ZNF169: variants seen among roughly 807,000 people sequenced by gnomAD.
ZNF169 encodes zinc finger protein 169.
Under a neutral mutation model 12.0 loss-of-function variants are expected in ZNF169, and 11 were observed. That is an observed-to-expected ratio of 0.92 (90% CI 0.58 to 1.52). ZNF169 has a LOEUF of 1.52. ZNF169 is among the 40% of genes most tolerant of loss of function. The pLI is 0.00. For missense variants in ZNF169, 722 were observed against 744.0 expected, an observed-to-expected ratio of 0.97 and a Z score of 0.34; for synonymous variants, 302 against 286.5, an observed-to-expected ratio of 1.05 and a Z score of -0.55.
intron 1 of ZNF169, among the ~76,000 whole-genome samples, chr9:94,270,484 G>C (rs1226795533): frequency 6.7e-6 from 1 of 148,816 alleles, no homozygotes; most frequent in Non-Finnish European, 1.5e-5. Flanking sequence ...TATGGTATTA[G>C]TGCTATGTTT....
chr9:94,293,089 C>G lies in ZNF169; in HGVS notation c.256+20C>G, dbSNP rs756858800. On this transcript the variant is annotated intron_variant, in intron 4 of 4. Coordinates refer to ENST00000395395, the MANE Select transcript of ZNF169 (RefSeq NM_194320.4). ...GTCCAGGTGAGTGGGAAGCCCTGGG[C>G]AAGCGAGGGTGCAGGGCAGTGAGGA... is the stretch of plus-strand genomic sequence containing the variant. The G allele has an allele frequency of 6.2e-7, 1 of 1,603,138 alleles. No homozygotes were observed. Among genetic ancestry groups the G allele is most frequent in the Non-Finnish European group, 8.5e-7 (1 of 1,171,712 alleles).
At chr9:94,297,368 A>G (rs542687789) in intron 4 of ZNF169, among the ~76,000 whole-genome samples, 12 of 152,236 alleles carry the variant, frequency 7.9e-5, no homozygotes, top group Non-Finnish European at 1.8e-4. Flanking sequence ...GCCCCTAAGT[A>G]TTTCATATTT....
rs552494914 is a variant in ZNF169 at position 94,293,108 on chromosome 9, G to T, written c.256+39G>T. 12 of 1,558,652 alleles carry T rather than the reference G, an allele frequency of 7.7e-6. No homozygotes were observed. In the African/African-American group the frequency reaches 1.6e-4, roughly 21 times the overall value. ...CCTGGGCAAGCGAGGGTGCAGGGCA[G>T]TGAGGAGCTCAGCAGGTAAGGAAGG... On this transcript the variant is annotated intron_variant, in intron 4 of 4. Transcript: ENST00000395395.
chr9:94,293,333 C>A, intron 4 of ZNF169: 1 of 592,454 alleles, frequency 1.7e-6, no homozygotes, highest in South Asian at 2.1e-5. Flanking sequence ...CAGGATTTCT[C>A]CATTCTTGGG....
chr9:94,259,714 A>G (rs958642312), intron 1 of ZNF169, among the ~76,000 whole-genome samples: 4 of 151,964 alleles, frequency 2.6e-5, no homozygotes, highest in African/African-American at 9.7e-5. Context: ...GGGTACCCAG[A>G]CAGCATCCTG....
rs772822795 is a variant in ZNF169 at position 94,292,504 on chromosome 9, G to C, written c.160+37G>C. 6 of 1,591,528 alleles carry C rather than the reference G, an allele frequency of 3.8e-6. No individual in the cohort carries two copies. The African/African-American group carries it at 8.1e-5, about 21-fold the overall frequency. ...CTGTTTAAGGTTTCAGATTCTGCTT[G>C]TGGGTATTTTAAGCTCTTACATAGC... On this transcript the variant is annotated intron_variant, in intron 3 of 4. Coordinates refer to ENST00000395395, the MANE Select transcript of ZNF169 (RefSeq NM_194320.4).
At chr9:94,274,934 T>C (rs1347743063) in intron 1 of ZNF169, among the ~76,000 whole-genome samples, 3 of 152,192 alleles carry the variant, frequency 2.0e-5, no homozygotes, top group Non-Finnish European at 4.4e-5. Context: ...AGATTAAAAT[T>C]CCAAATCTGA....
chr9:94,264,572 A>G (rs908189527), intron 1 of ZNF169, among the ~76,000 whole-genome samples: 55 of 152,210 alleles, frequency 3.6e-4, no homozygotes, highest in African/African-American at 1.3e-3. Context: ...TTCAGTTCAC[A>G]AAAACTCTTA....
intron 2 of ZNF169, chr9:94,287,871 A>G (rs772484839): frequency 2.7e-5 from 27 of 1,005,924 alleles, no homozygotes; most frequent in Non-Finnish European, 4.1e-5. Flanking sequence ...GTCAGGGTCG[A>G]TCTGATACTT....
At chr9:94,296,896 A>C in intron 4 of ZNF169, 1 of 446,520 alleles carries the variant, frequency 2.2e-6, no homozygotes, top group Non-Finnish European at 4.5e-6. Context: ...ATACAAAAAA[A>C]ACTAGCCGAG....
chr9:94,288,791 T>C (rs912125673), intron 2 of ZNF169, among the ~76,000 whole-genome samples: 1 of 152,208 alleles, frequency 6.6e-6, no homozygotes, highest in African/African-American at 2.4e-5. Flanking sequence ...CCATGCTTCC[T>C]GTACAGCCTG....
At chr9:94,299,442 C>G (rs1831011232) in intron 4 of ZNF169, 1 of 782,444 alleles carries the variant, frequency 1.3e-6, no homozygotes, top group Admixed American at 3.8e-5. Flanking sequence ...TGTTTCTTAA[C>G]TGCAGCTCAG....
chr9:94,288,992 C>G (rs1335769818), intron 2 of ZNF169, among the ~76,000 whole-genome samples: 1 of 152,106 alleles, frequency 6.6e-6, no homozygotes, highest in Admixed American at 6.6e-5. Flanking sequence ...CAAAGATTAT[C>G]GTATGGTCTG....
In ZNF169 at chr9:94,299,884, A is replaced by G. The variant is rs767115291; in HGVS notation, c.326A>G (p.Gln109Arg). ...TTTTCTAGCTCGCAGCTCCTCAGAC[A>G]ATATGCGCTAAGTGGCCATCCCACA... ...VAFSSSQLLR[Q>R]YALSGHPTQI... is the part of the protein sequence containing the mutation. The change falls in exon 5 of 5, where the codon CAA becomes CGA. Residue 109 changes from glutamine to arginine, a missense_variant. Transcript: ENST00000395395. 6.2e-7 allele frequency: 1 copy of G among 1,614,138 alleles called. No homozygotes were observed. The highest frequency in any genetic ancestry group is 8.5e-7 in the Non-Finnish European group (1 of 1,180,028).
chr9:94,291,673 T>A (rs1036306723), intron 2 of ZNF169, among the ~76,000 whole-genome samples: 1 of 152,138 alleles, frequency 6.6e-6, no homozygotes, highest in African/African-American at 2.4e-5. Flanking sequence ...TGTCATAGCA[T>A]GAACATATGG....
intron 2 of ZNF169, chr9:94,288,406 G>A (rs1014573371): frequency 6.3e-6 from 8 of 1,260,172 alleles, no homozygotes; most frequent in African/African-American, 5.8e-5. Flanking sequence ...GGTATTCTCA[G>A]TGTTGGCTGA....
At chr9:94,283,579 T>C (rs953708832) in intron 2 of ZNF169, among the ~76,000 whole-genome samples, 1 of 152,168 alleles carries the variant, frequency 6.6e-6, no homozygotes, top group Non-Finnish European at 1.5e-5. Flanking sequence ...GAGAGAGTAC[T>C]ATAGCATTTC....
Position 94,301,066 on chromosome 9 carries a change from G to C in ZNF169, c.1508G>C (p.Arg503Pro). 1 of 1,614,054 alleles carries C rather than the reference G, an allele frequency of 6.2e-7. No homozygotes were observed. The highest frequency in any genetic ancestry group is 1.1e-5 in the South Asian group (1 of 91,078). ...TTTGGCTTTAAGTCGCTCCTCACCC[G>C]ACACCAGAGGACACACTCAGAGGAG... is the stretch of plus-strand genomic sequence containing the variant. ...RAFGFKSLLTRHQRTHSEEEL... is the reference protein window; with the variant it reads ...RAFGFKSLLTPHQRTHSEEEL... The change falls in exon 5 of 5, where the codon CGA becomes CCA. Residue 503 changes from arginine to proline, a missense_variant. By Grantham distance (103) the Arg-to-Pro change is moderately radical (BLOSUM62 -2). Transcript: ENST00000395395.
Position 94,293,261 on chromosome 9 carries a change from T to C in ZNF169, c.256+192T>C. 8.2e-6 allele frequency: 5 copies of C among 608,938 alleles called. No homozygotes were observed. The South Asian group carries it at 9.8e-5, about 12-fold the overall frequency. The allele number at this position is 608,938 out of a possible 1,614,324, so 37.7% of individuals were successfully genotyped here. A position where few individuals can be genotyped will look rare whatever the true frequency, so the allele number is the denominator to read the frequency against. The stretch of plus-strand genomic sequence containing the variant: ...CCCCAGGACAGGGCACCCCTGGCAT[T>C]CCATCTCCTTCCTCCATCAGGGAGC... On this transcript the variant is annotated intron_variant, in intron 4 of 4. Coordinates refer to ENST00000395395, the MANE Select transcript of ZNF169 (RefSeq NM_194320.4).
Sources: gnomAD v4.1 joint callset for allele counts (sites outside exome capture counted in the v4.1 genomes callset) on GRCh38, gnomAD v4.1.1 for gene constraint, MANE v1.5 for transcripts, NCBI Gene and HGNC (gene_info 2026-07-23, HGNC 2026-07-21) for gene names.